Variants in TBCB observed in about 807,000 individuals in gnomAD.
TBCB encodes tubulin folding cofactor B.
Under a neutral mutation model 29.2 loss-of-function variants are expected in TBCB, and 18 were observed. The observed-to-expected ratio is 0.62, with a 90% CI of 0.43 to 0.91. The LOEUF is 0.91. Ranked by LOEUF, TBCB falls within the 40% of genes least tolerant of loss-of-function variation. TBCB has a pLI of 0.00. For missense variants in TBCB, 336 were observed against 337.6 expected, an observed-to-expected ratio of 1.00 and a Z score of 0.04; for synonymous variants, 172 against 137.8, an observed-to-expected ratio of 1.25 and a Z score of -1.74.
chr19:36,121,100 TG>T (rs1332035780), intron 3 of TBCB, among the ~76,000 whole-genome samples: 1 of 14,190 alleles, frequency 7.0e-5, no homozygotes, highest in African/African-American at 3.0e-4. Flanking sequence ...CAGGGTCAGA[TG>T]GGGGCATGGG....
At position 36,116,030 on chromosome 19, in the gene TBCB, C is replaced by T. The variant is rs756822724; in HGVS notation, c.115-11C>T. 8 of 1,611,860 alleles carry T rather than the reference C, an allele frequency of 5.0e-6. No individual in the cohort carries two copies. The Admixed American group carries it at 6.7e-5, about 13-fold the overall frequency. ...TGGCCTCCTTCTTCTCACCCTGCCT[C>T]CTCCTCACAGTGTAAACTGGAGTTG... is the stretch of plus-strand genomic sequence containing the variant. On this transcript the variant is annotated splice_polypyrimidine_tract_variant and intron_variant, in intron 1 of 5. Coordinates refer to ENST00000221855, the MANE Select transcript of TBCB (RefSeq NM_001281.3).
At chr19:36,121,747 C>T (rs747694485) in intron 4 of TBCB, 29 bp downstream of exon 4, 3 of 1,547,974 alleles carry the variant, frequency 1.9e-6, no homozygotes, top group South Asian at 2.4e-5. Context: ...CGGTCCCGGG[C>T]TCCAGGGCTC....
chr19:36,117,233 T>A (rs543670639), intron 2 of TBCB, among the ~76,000 whole-genome samples: 1 of 152,228 alleles, frequency 6.6e-6, no homozygotes, highest in Non-Finnish European at 1.5e-5. Flanking sequence ...ACTCTCTGTC[T>A]CCCTGGATTC....
chr19:36,115,429 G>A, upstream of TBCB: 1 of 671,772 alleles, frequency 1.5e-6, no homozygotes, highest in East Asian at 2.9e-5. Flanking sequence ...GCTCCTGGCA[G>A]GAGAGCGCGG....
chr19:36,125,304 G>A, intron 4 of TBCB, 147 bp from the exon 5 acceptor site: 2 of 829,096 alleles, frequency 2.4e-6, no homozygotes, highest in South Asian at 3.1e-5. Context: ...GGTGGTCCTA[G>A]TGGTAGCAAT....
At chr19:36,122,590 A>T (rs924535457) in intron 4 of TBCB, among the ~76,000 whole-genome samples, 6 of 149,642 alleles carry the variant, frequency 4.0e-5, no homozygotes, top group Admixed American at 3.3e-4. Flanking sequence ...AAAAAAAAAA[A>T]TCCCACAAAA....
chr19:36,115,605 C>A lies in TBCB; in HGVS notation c.45C>A (p.Ile15=). Residue 15 remains isoleucine (I), a synonymous_variant, in exon 1 of 6, where the codon ATC becomes ATA. Transcript: ENST00000221855. ...CGGCACCCACGGTGACCGTTTTCAT[C>A]AGCAGCTCCCTCAACACCTTCCGCT... ...GVSAPTVTVF[I]SSSLNTFRSE... is the part of the protein sequence containing the mutation. The A allele has an allele frequency of 6.2e-7, 1 of 1,610,178 alleles. No individual in the cohort carries two copies. The highest frequency in any genetic ancestry group is 8.5e-7 in the Non-Finnish European group (1 of 1,178,566).
At chr19:36,115,262 C>G (rs45471297), upstream of TBCB, 6,977 of 530,444 alleles carry the variant, frequency 0.013, 73 homozygotes, top group Non-Finnish European at 0.015. Flanking sequence ...CTCCTACCTC[C>G]GGGCTTCAGT....
In TBCB at chr19:36,125,772, A is replaced by G. The variant is rs2145912407; in HGVS notation, c.725A>G (p.Asp242Gly). Residue 242 changes from aspartate to glycine, a missense_variant, in exon 6 of 6, where the codon GAC becomes GGC. Transcript: ENST00000221855. ...TTCCCGGAGGAGGACTACGGGTTGG[A>G]CGAGATATGACACCTAAGGAATTCC... ...GDFPEEDYGL[D>G]EI The G allele has an allele frequency of 6.5e-7, 1 of 1,531,022 alleles. No individual in the cohort carries two copies. The highest frequency in any genetic ancestry group is 2.3e-5 in the East Asian group (1 of 44,040). The allele number at this position is 1,531,022 out of a possible 1,614,324, so 94.8% of individuals were successfully genotyped here. A position where few individuals can be genotyped will look rare whatever the true frequency, so the allele number is the denominator to read the frequency against.
At position 36,121,700 on chromosome 19, in the gene TBCB, G is replaced by C; in HGVS notation, c.529G>C (p.Gly177Arg). The C allele has an allele frequency of 1.3e-6, 2 of 1,552,640 alleles. No individual in the cohort carries two copies. Among genetic ancestry groups the C allele is most frequent in the Non-Finnish European group, 1.7e-6 (2 of 1,149,378 alleles). Residue 177 changes from glycine to arginine, a missense_variant, in exon 4 of 6, where the codon GGC becomes CGC. Physicochemically the swap from Gly to Arg is moderately radical, Grantham distance 125 (BLOSUM62 -2). Transcript: ENST00000221855. ...VRAAGQSPRR[G>R]TVMYVGLTDF... ...GGCGGCGGGACAATCCCCTCGCCGG[G>C]GCACCGTCATGTATGTAGGTGCGTG...
intron 4 of TBCB, chr19:36,121,955 G>T: frequency 1.6e-6 from 1 of 607,584 alleles, no homozygotes; most frequent in Non-Finnish European, 2.9e-6. Flanking sequence ...GAGGGAGGAA[G>T]CAGAAGCCAG....
chr19:36,125,231 G>A (rs778600512), intron 4 of TBCB, among the ~76,000 whole-genome samples: 2 of 152,206 alleles, frequency 1.3e-5, no homozygotes, highest in Non-Finnish European at 2.9e-5. Flanking sequence ...GTGAATGGGG[G>A]ACAGGGGTGG....
chr19:36,123,254 C>CT (rs201890657), intron 4 of TBCB, among the ~76,000 whole-genome samples: 20,666 of 131,132 alleles, frequency 0.16, 1,907 homozygotes, highest in Admixed American at 0.23. Flanking sequence ...GAACCTTCTT[C>CT]TTTTTTTTTT....
upstream of TBCB, chr19:36,115,418 C>T (rs1269849539): frequency 6.3e-6 from 4 of 631,418 alleles, no homozygotes; most frequent in Non-Finnish European, 1.1e-5. Context: ...GATTGGCGGA[C>T]GCTCCTGGCA....
Position 36,125,787 on chromosome 19 carries a change from T to C in TBCB, c.*5T>C. 6.6e-7 allele frequency: 1 copy of C among 1,507,338 alleles called. No individual in the cohort carries two copies. Among genetic ancestry groups the C allele is most frequent in the Non-Finnish European group, 8.9e-7 (1 of 1,127,028 alleles). 93.4% of individuals were successfully genotyped at this position (1,507,338 alleles called of 1,614,324 possible). ...TACGGGTTGGACGAGATATGACACC[T>C]AAGGAATTCCCCTGCTTCAGCTCCT... On this transcript the variant is annotated 3_prime_UTR_variant, in exon 6 of 6. Transcript: ENST00000221855.
chr19:36,119,992 TGAA>T (rs1191757907), intron 2 of TBCB, among the ~76,000 whole-genome samples: 9 of 149,870 alleles, frequency 6.0e-5, no homozygotes. Context: ...CTCTAGAGCG[TGAA>T]GGACATTTCT....
At chr19:36,116,316 A>C (rs1599862288) in intron 2 of TBCB, 132 bp downstream of exon 2, 1 of 1,219,914 alleles carries the variant, frequency 8.2e-7, no homozygotes, top group East Asian at 2.5e-5. Context: ...GTGCAGCCTG[A>C]CGAGAGACAG....
At position 36,121,512 on chromosome 19, in the gene TBCB, C is replaced by G; in HGVS notation, c.356-15C>G. ...GGCCGACACCCCAACTGACCCCAGC[C>G]CCCTCTGCCCACAGACACGGTCCGC... On this transcript the variant is annotated splice_polypyrimidine_tract_variant and intron_variant, in intron 3 of 5. Coordinates refer to ENST00000221855, the MANE Select transcript of TBCB (RefSeq NM_001281.3). 6.5e-7 allele frequency: 1 copy of G among 1,548,858 alleles called. No homozygotes were observed. The highest frequency in any genetic ancestry group is 8.7e-7 in the Non-Finnish European group (1 of 1,149,740).
At chr19:36,123,287 A>C (rs1974087310) in intron 4 of TBCB, among the ~76,000 whole-genome samples, 1 of 143,908 alleles carries the variant, frequency 6.9e-6, no homozygotes, top group African/African-American at 2.6e-5. Context: ...AATTTGAGAC[A>C]GCATCTGGCT....
Sources: allele counts gnomAD v4.1 joint callset (sites outside exome capture counted in the v4.1 genomes callset), GRCh38; gene constraint gnomAD v4.1.1; transcripts MANE v1.5; gene names NCBI Gene and HGNC (gene_info 2026-07-23, HGNC 2026-07-21).